The following TMEM201 variants were observed in gnomAD, a reference collection of about 807,000 sequenced individuals.
TMEM201 encodes the protein transmembrane protein 201.
A neutral mutation model predicts 63.4 loss-of-function variants in TMEM201; 26 were observed. The observed-to-expected ratio is 0.41, with a 90% confidence interval of 0.30 to 0.57. TMEM201 has a LOEUF of 0.57. TMEM201 is among the 20% of genes least tolerant of loss of function. The pLI is 0.29. For synonymous variants in TMEM201, 417 were observed against 421.6 expected, an observed-to-expected ratio of 0.99 and a Z score of 0.14; for missense variants, 794 against 917.7, an observed-to-expected ratio of 0.87 and a Z score of 1.74.
chr1:9,594,556 C>T (rs1426439600), intron 1 of TMEM201, among the ~76,000 whole-genome samples: 1 of 152,202 alleles, frequency 6.6e-6, no homozygotes, highest in East Asian at 1.9e-4. Flanking sequence ...TGCTTTTGTC[C>T]CCAGCTGACA....
At chr1:9,606,430 A>AG (rs1391652562) in intron 6 of TMEM201, 1 of 152,244 alleles carries the variant, frequency 6.6e-6, no homozygotes, top group Non-Finnish European at 1.5e-5. Flanking sequence ...CGGGAAGTCA[A>AG]GAGCTGGCCC....
At chr1:9,595,188 G>C (rs1428294365) in intron 1 of TMEM201, among the ~76,000 whole-genome samples, 1 of 152,166 alleles carries the variant, frequency 6.6e-6, no homozygotes, top group East Asian at 1.9e-4. Flanking sequence ...GGTGGGTAGA[G>C]GGGGGCCCAG....
At position 9,610,883 on chromosome 1, in the gene TMEM201, G is replaced by C. The variant is rs1006211341; in HGVS notation, c.1765+78G>C. 2.5e-5 allele frequency: 37 copies of C among 1,491,138 alleles called. No homozygotes were observed. Among genetic ancestry groups the C allele is most frequent in the South Asian group, 3.9e-5 (3 of 77,356 alleles). 92.4% of individuals were successfully genotyped at this position (1,491,138 alleles called of 1,614,324 possible). A position where few individuals can be genotyped will look rare whatever the true frequency, so the allele number is the denominator to read the frequency against. On this transcript the variant is annotated intron_variant, in intron 9 of 10. Coordinates refer to ENST00000340381, the MANE Select transcript of TMEM201 (RefSeq NM_001130924.3). The surrounding 1 kb of genome is among the most constrained non-coding windows in gnomAD (Gnocchi z 4.9). ...AGGCCTGGCTGTGCGGCGGTGGGGG[G>C]GCTCATCCTTGCTCTGACTCCGGTG...
chr1:9,607,627 G>A lies in TMEM201; in HGVS notation c.1231G>A (p.Gly411Arg), dbSNP rs537134410. The A allele has an allele frequency of 9.0e-6, 14 of 1,551,718 alleles. No homozygotes were observed. Among genetic ancestry groups the A allele is most frequent in the East Asian group, 2.4e-5 (1 of 40,914 alleles). ...PSLAIPHPSVGGSPASLFIPS... is the reference protein window; with the variant it reads ...PSLAIPHPSVRGSPASLFIPS... Reference sequence around the variant, plus strand: ...CTTGGCCATCCCTCACCCGAGTGTCGGAGGCTCTCCAGCGTCTCTGTTCAT... The same window carrying A: ...CTTGGCCATCCCTCACCCGAGTGTCAGAGGCTCTCCAGCGTCTCTGTTCAT... The change falls in exon 7 of 11, where the codon GGA becomes AGA. Residue 411 changes from glycine to arginine, a missense_variant. Coordinates refer to ENST00000340381, the MANE Select transcript of TMEM201 (RefSeq NM_001130924.3). This position sits in a 1 kb window ranked among gnomAD's most constrained non-coding sequence, Gnocchi z 5.4.
chr1:9,590,205 G>T (rs1475678582), intron 1 of TMEM201, among the ~76,000 whole-genome samples: 2 of 152,142 alleles, frequency 1.3e-5, no homozygotes, highest in African/African-American at 4.8e-5. Flanking sequence ...CTCCATGTCG[G>T]TTTCTGCTGG....
chr1:9,594,025 A>G (rs1157657235), intron 1 of TMEM201, among the ~76,000 whole-genome samples: 1 of 152,264 alleles, frequency 6.6e-6, no homozygotes, highest in Non-Finnish European at 1.5e-5. Context: ...CTGGCTGTTC[A>G]TGTAGTCGGC....
rs112370241 is a variant in TMEM201 at position 9,600,793 on chromosome 1, G to A, written c.607-312G>A. Among the ~76,000 whole-genome samples the A allele has an allele frequency of 6.4e-3, 967 of 152,278 alleles. 8 individuals are homozygous for A. The highest frequency in any genetic ancestry group is 0.021 in the African/African-American group (891 of 41,548). ...AAATTAGCTGAGTGTGGTGGTGGGC[G>A]CCTGTAATCCCAGCTGCTGCGGAGA... On this transcript the variant is annotated intron_variant, in intron 4 of 10. Coordinates refer to ENST00000340381, the MANE Select transcript of TMEM201 (RefSeq NM_001130924.3).
intron 3 of TMEM201, among the ~76,000 whole-genome samples, chr1:9,598,155 A>T (rs1228625104): frequency 6.6e-6 from 1 of 152,138 alleles, no homozygotes; most frequent in Non-Finnish European, 1.5e-5. Flanking sequence ...TGGGGAGCAG[A>T]CCCTGAGCTC....
chr1:9,593,204 C>G lies in TMEM201; in HGVS notation c.114-2686C>G, dbSNP rs1333270244. On this transcript the variant is annotated intron_variant, in intron 1 of 10. Coordinates refer to ENST00000340381, the MANE Select transcript of TMEM201 (RefSeq NM_001130924.3). ...GCAGAGGCAAGCATAGGCTAGGGGC[C>G]AGGACTTCCCCCACCTGCGTGGGGA... is the stretch of plus-strand genomic sequence containing the variant. Among the ~76,000 whole-genome samples the G allele has an allele frequency of 3.3e-5, 5 of 152,228 alleles. No individual in the cohort carries two copies. The East Asian group carries it at 7.7e-4, about 23-fold the overall frequency.
chr1:9,592,559 G>C (rs550827591), intron 1 of TMEM201, among the ~76,000 whole-genome samples: 2 of 152,156 alleles, frequency 1.3e-5, no homozygotes, highest in Non-Finnish European at 2.9e-5. Context: ...AGGACCCAGC[G>C]CTGGGCTCGC....
At chr1:9,594,225 T>C (rs1464342345) in intron 1 of TMEM201, among the ~76,000 whole-genome samples, 1 of 152,262 alleles carries the variant, frequency 6.6e-6, no homozygotes, top group Non-Finnish European at 1.5e-5. Flanking sequence ...CCTGCCCAGC[T>C]GGCTGGCTCC....
Position 9,601,282 on chromosome 1 carries a change from A to G in TMEM201, c.784A>G (p.Asn262Asp). 1 of 1,610,692 alleles carries G rather than the reference A, an allele frequency of 6.2e-7. No individual in the cohort carries two copies. The highest frequency in any genetic ancestry group is 8.5e-7 in the Non-Finnish European group (1 of 1,179,820). ...PGGNGSATPDNGTTPGAEGWR... is the reference protein window; with the variant it reads ...PGGNGSATPDDGTTPGAEGWR... The stretch of plus-strand genomic sequence containing the variant: ...TGGCAATGGCTCAGCCACACCTGAC[A>G]ATGGCACCACCCCTGGGGCCGAGGG... The change falls in exon 5 of 11, where the codon AAT becomes GAT. Residue 262 changes from asparagine to aspartate, a missense_variant. Physicochemically the swap from Asn to Asp is conservative, Grantham distance 23 (BLOSUM62 1). Transcript: ENST00000340381.
rs769691528 is a variant in TMEM201, at chr1:9,610,755, C to T, written c.1715C>T (p.Pro572Leu). The T allele has an allele frequency of 9.2e-5, 142 of 1,548,942 alleles. No homozygotes were observed. The highest frequency in any genetic ancestry group is 1.2e-4 in the Non-Finnish European group (135 of 1,145,826). ...PHNGSLFTMEPPHVPRKPPLQ... is the reference protein window; with the variant it reads ...PHNGSLFTMELPHVPRKPPLQ... ...AACGGCAGCCTCTTCACCATGGAGCCGCCCCATGTTCCCCGGAAGCCGCCC... is the reference window on the plus strand; with the variant it reads ...AACGGCAGCCTCTTCACCATGGAGCTGCCCCATGTTCCCCGGAAGCCGCCC... The change falls in exon 9 of 11, where the codon CCG becomes CTG. Residue 572 changes from proline (P) to leucine (L), a missense_variant. Physicochemically the swap from Pro to Leu is moderately conservative, Grantham distance 98. Coordinates refer to ENST00000340381, the MANE Select transcript of TMEM201 (RefSeq NM_001130924.3). This position sits in a 1 kb window ranked among gnomAD's most constrained non-coding sequence, Gnocchi z 4.9.
Position 9,601,459 on chromosome 1 carries a change from G to C in TMEM201, c.956+5G>C, listed in dbSNP as rs752184027. On this transcript the variant is annotated splice_donor_5th_base_variant and intron_variant, in intron 5 of 10. Transcript: ENST00000340381. ...GCTGCTGGCTGGCCGCATCAGGTGT[G>C]CATGGGGCCAGGGCCAGGAGTTGGC... The C allele has an allele frequency of 6.3e-7, 1 of 1,577,650 alleles. No homozygotes were observed. The highest frequency in any genetic ancestry group is 1.7e-5 in the Admixed American group (1 of 58,958).
chr1:9,600,928 ACTC>A (rs1193482152), intron 4 of TMEM201, among the ~76,000 whole-genome samples, 174 bp from the exon 5 acceptor site: 1 of 151,460 alleles, frequency 6.6e-6, no homozygotes, highest in Non-Finnish European at 1.5e-5. Context: ...GTAGAGCAGC[ACTC>A]CTCCCCGCCC....
Position 9,607,969 on chromosome 1 carries a change from G to A in TMEM201, c.1393+180G>A, listed in dbSNP as rs12411122. On this transcript the variant is annotated intron_variant, in intron 7 of 10. Transcript: ENST00000340381. This position sits in a 1 kb window ranked among gnomAD's most constrained non-coding sequence, Gnocchi z 5.4. Reference sequence around the variant, plus strand: ...GAAATGGGGCTAGCTAGGAATAGGTGGCTCATGCCTTTAATCCCAGCACTT... The same window carrying A: ...GAAATGGGGCTAGCTAGGAATAGGTAGCTCATGCCTTTAATCCCAGCACTT... Among the ~76,000 whole-genome samples the A allele has an allele frequency of 0.1, 15,153 of 152,272 alleles. 1,027 individuals are homozygous for A. Among genetic ancestry groups the A allele is most frequent in the Non-Finnish European group, 0.15 (10,285 of 68,014 alleles).
At position 9,603,138 on chromosome 1, in the gene TMEM201, G is replaced by A. The variant is rs943029160; in HGVS notation, c.1160+866G>A. On this transcript the variant is annotated intron_variant, in intron 6 of 10. Coordinates refer to ENST00000340381, the MANE Select transcript of TMEM201 (RefSeq NM_001130924.3). The surrounding 1 kb of genome is among the most constrained non-coding windows in gnomAD (Gnocchi z 4.5). ...ATCCTTTCCCTCCCTGACCTGTCACGAGCCTCTGCAGGTGCCTGCTCACCA... is the reference window on the plus strand; with the variant it reads ...ATCCTTTCCCTCCCTGACCTGTCACAAGCCTCTGCAGGTGCCTGCTCACCA... 1.3e-5 allele frequency: 13 copies of A among 985,394 alleles called. No individual in the cohort carries two copies. Among genetic ancestry groups the A allele is most frequent in the East Asian group, 1.1e-4 (1 of 8,822 alleles). 61.0% of individuals were successfully genotyped at this position (985,394 alleles called of 1,614,324 possible).
In TMEM201 at chr1:9,601,107, C is replaced by A; in HGVS notation, c.609C>A (p.Asn203Lys). The change falls in exon 5 of 11, where the codon AAC becomes AAA. Residue 203 changes from asparagine (N) to lysine (K), a missense_variant and splice_region_variant. Coordinates refer to ENST00000340381, the MANE Select transcript of TMEM201 (RefSeq NM_001130924.3). Reference protein sequence around the residue: ...RREADQTHAQNFSSAVKSPVQ... With the variant: ...RREADQTHAQKFSSAVKSPVQ... Reference sequence around the variant, plus strand: ...CCGCCTCTCTTCCTCCTTTGCAGAACTTCTCCTCCGCCGTGAAGTCCCCGG... The same window carrying A: ...CCGCCTCTCTTCCTCCTTTGCAGAAATTCTCCTCCGCCGTGAAGTCCCCGG... The A allele has an allele frequency of 6.3e-7, 1 of 1,582,966 alleles. No individual in the cohort carries two copies. Among genetic ancestry groups the A allele is most frequent in the South Asian group, 1.1e-5 (1 of 88,204 alleles).
Position 9,602,219 on chromosome 1 carries a change from G to A in TMEM201, c.1107G>A (p.Thr369=), listed in dbSNP as rs369146558. 5.5e-4 allele frequency: 880 copies of A among 1,612,614 alleles called. 13 individuals are homozygous for A. In the South Asian group the frequency reaches 8.4e-3, roughly 15 times the overall value. ...TTSLCCLVGF[T]AAVATRKATG... Reference sequence around the variant, plus strand: ...CTTTGTGCTGCCTGGTTGGCTTCACGGCGGCTGTGGCCACAAGGAAGGCAA... The same window carrying A: ...CTTTGTGCTGCCTGGTTGGCTTCACAGCGGCTGTGGCCACAAGGAAGGCAA... The change falls in exon 6 of 11, where the codon ACG becomes ACA. Residue 369 remains threonine, a synonymous_variant. Transcript: ENST00000340381.
Sources: allele counts gnomAD v4.1 joint callset (sites outside exome capture counted in the v4.1 genomes callset), GRCh38; gene constraint gnomAD v4.1.1; non-coding constraint Gnocchi (gnomAD v3.1); transcripts MANE v1.5; gene names NCBI Gene and HGNC (gene_info 2026-07-23, HGNC 2026-07-21).